Variants in DMD observed in about 807,000 individuals in gnomAD.
DMD encodes dystrophin.
Under a neutral mutation model 330.1 loss-of-function variants are expected in DMD, and 63 were observed. The observed-to-expected ratio is 0.19, with a 90% CI of 0.16 to 0.24. The LOEUF (loss-of-function observed/expected upper bound fraction) is 0.24. Among genes scored for constraint, DMD ranks in the 10% least tolerant of loss-of-function variants. The pLI is 1.00. For missense variants in DMD, 3,344 were observed against 2,684.1 expected (o/e 1.25, Z -5.43); for synonymous variants, 1,223 against 959.8 (o/e 1.27, Z -5.07).
intron 1 of DMD, among the ~76,000 whole-genome samples, chrX:33,262,216 T>C (rs943922263): frequency 1.8e-5 from 2 of 111,482 alleles, no homozygotes; most frequent in Admixed American, 1.9e-4. Flanking sequence ...AGCTTAAGTA[T>C]CTGGATTGAA....
At chrX:32,298,829 G>A (rs1221846061) in intron 42 of DMD, among the ~76,000 whole-genome samples, 1 of 103,760 alleles carries the variant, frequency 9.6e-6, no homozygotes, top group East Asian at 3.0e-4. Context: ...AGCAGGAGGA[G>A]GGAGTTAGCC....
chrX:31,261,221 A>C, intron 62 of DMD: 1 of 409,669 alleles, frequency 2.4e-6, no homozygotes, highest in Non-Finnish European at 4.3e-6. Flanking sequence ...CCAAAGAGAA[A>C]AGCAATATAA....
Position 33,107,323 on chromosome X carries a change from C to A in DMD, c.32-87123G>T, listed in dbSNP as rs1208707004. Among the ~76,000 whole-genome samples the A allele has an allele frequency of 9.3e-5, 7 of 74,962 alleles. 1 individual carries two copies. Among genetic ancestry groups the A allele is most frequent in the Admixed American group, 4.3e-4 (3 of 7,055 alleles). The allele number at this position is 74,962 out of a possible 115,157, so 65.1% of individuals were successfully genotyped here. ...GCGAAGCTCTGTCCCCCCCCCCCCC[C>A]CAACACACACAAAAAAAACAGCAAC... On this transcript the variant is annotated intron_variant, in intron 1 of 78. Transcript: ENST00000357033.
chrX:33,235,302 A>T (rs769223705), intron 1 of DMD, among the ~76,000 whole-genome samples: 1 of 111,976 alleles, frequency 8.9e-6, no homozygotes, highest in South Asian at 3.7e-4. Context: ...TTCAAGCTAG[A>T]AATGACTGCC....
At chrX:33,063,651 A>G (rs1255084206) in intron 1 of DMD, among the ~76,000 whole-genome samples, 1 of 111,223 alleles carries the variant, frequency 9.0e-6, no homozygotes. Context: ...AATTGCTGAT[A>G]GTTACAGTAC....
chrX:31,402,537 G>T (rs529484337), intron 60 of DMD, among the ~76,000 whole-genome samples: 2 of 111,873 alleles, frequency 1.8e-5, no homozygotes, highest in South Asian at 7.5e-4. Flanking sequence ...GAATTAGATG[G>T]TCCCTTAGTT....
chrX:32,702,735 G>A (rs1057306107), intron 7 of DMD, among the ~76,000 whole-genome samples: 14 of 111,237 alleles, frequency 1.3e-4, no homozygotes, highest in African/African-American at 4.2e-4. Context: ...ACTGTGTACG[G>A]GGGAAATGAA....
At chrX:32,347,159 A>T (rs1235959529) in intron 38 of DMD, among the ~76,000 whole-genome samples, 3 of 111,628 alleles carry the variant, frequency 2.7e-5, no homozygotes, top group African/African-American at 9.8e-5. Flanking sequence ...AAAGAAACAT[A>T]CGGCATAATA....
At chrX:32,336,601 A>G (rs747070039) in intron 41 of DMD, among the ~76,000 whole-genome samples, 1 of 111,522 alleles carries the variant, frequency 9.0e-6, no homozygotes, top group Non-Finnish European at 1.9e-5. Flanking sequence ...GATGTTCTGA[A>G]CGAGCAGTCT....
chrX:32,429,917 T>C (rs912844388), intron 29 of DMD, among the ~76,000 whole-genome samples: 2 of 111,541 alleles, frequency 1.8e-5, no homozygotes, highest in African/African-American at 3.3e-5. Flanking sequence ...ATCATACTTA[T>C]TGCATCTAAA....
chrX:32,584,612 T>A (rs757756971), intron 13 of DMD, among the ~76,000 whole-genome samples: 2 of 112,386 alleles, frequency 1.8e-5, no homozygotes, highest in Non-Finnish European at 3.8e-5. Context: ...TAATGCTATA[T>A]GCAACATAGT....
At chrX:32,531,714 A>G (rs1368401926) in intron 17 of DMD, among the ~76,000 whole-genome samples, 1 of 111,130 alleles carries the variant, frequency 9.0e-6, no homozygotes, top group Non-Finnish European at 1.9e-5. Context: ...AGATTTCTAC[A>G]ACACTACATT....
At chrX:33,297,261 T>C (rs928818688) in intron 1 of DMD, among the ~76,000 whole-genome samples, 7 of 111,376 alleles carry the variant, frequency 6.3e-5, no homozygotes, top group Non-Finnish European at 9.5e-5. Context: ...AGACTTTTTT[T>C]TTGATGAATT....
Position 33,316,166 on chromosome X carries a change from T to C in DMD, c.7+23093A>G, listed in dbSNP as rs2053930281. Among the ~76,000 whole-genome samples the C allele has an allele frequency of 3.6e-5, 4 of 110,815 alleles. No individual in the cohort carries two copies. In the Admixed American group the frequency reaches 3.9e-4, roughly 11 times the overall value. On this transcript the variant is annotated intron_variant, in intron 1 of 17. Coordinates refer to the DMD transcript ENST00000288447. ...CTGAAAAACATACTCAACTTTCATCTAAGAGTACAAGAAGTAATCAAGGGA... is the reference window on the plus strand; with the variant it reads ...CTGAAAAACATACTCAACTTTCATCCAAGAGTACAAGAAGTAATCAAGGGA...
intron 61 of DMD, among the ~76,000 whole-genome samples, chrX:31,328,528 C>G (rs2056920575): frequency 9.0e-6 from 1 of 111,013 alleles, no homozygotes; most frequent in Non-Finnish European, 1.9e-5. Context: ...CTTTCTATTT[C>G]AAAGCCCAAT....
At chrX:32,499,881 C>T (rs192740197) in intron 19 of DMD, among the ~76,000 whole-genome samples, 1 of 111,222 alleles carries the variant, frequency 9.0e-6, no homozygotes, top group East Asian at 2.8e-4. Flanking sequence ...AAATATTATG[C>T]AATTTGTTCC....
At chrX:32,268,638 C>A (rs2097353577) in intron 43 of DMD, among the ~76,000 whole-genome samples, 1 of 111,597 alleles carries the variant, frequency 9.0e-6, no homozygotes, top group Admixed American at 9.5e-5. Context: ...TCAGGATTTG[C>A]TTATGTAAGA....
chrX:32,909,424 T>G (rs774613337), intron 2 of DMD, among the ~76,000 whole-genome samples: 1 of 111,478 alleles, frequency 9.0e-6, no homozygotes, highest in Admixed American at 9.6e-5. Flanking sequence ...TCCGTGGGGG[T>G]AATGAGGAGT....
chrX:32,403,598 T>A (rs763529561), intron 30 of DMD, among the ~76,000 whole-genome samples: 16 of 111,708 alleles, frequency 1.4e-4, no homozygotes, highest in Non-Finnish European at 3.0e-4. Context: ...TTCCTACAAC[T>A]TGTGTTTATG....
Sources: gnomAD v4.1 joint callset for allele counts (sites outside exome capture counted in the v4.1 genomes callset) on GRCh38, gnomAD v4.1.1 for gene constraint, MANE v1.5 for transcripts, NCBI Gene and HGNC (gene_info 2026-07-23, HGNC 2026-07-21) for gene names.